Variants in DCDC1 observed in about 807,000 individuals in gnomAD.
DCDC1 encodes doublecortin domain-containing protein 1.
Under a neutral mutation model 178.3 loss-of-function variants are expected in DCDC1, and 200 were observed. The observed-to-expected ratio is 1.12, with a 90% CI of 1.00 to 1.26. The LOEUF is 1.26. DCDC1 is among the 50% of genes most tolerant of loss of function. The pLI, the probability that DCDC1 is intolerant of heterozygous loss-of-function variation, is 0.00. For missense variants in DCDC1, 1,983 were observed against 1,749.2 expected, an observed-to-expected ratio of 1.13 and a Z score of -2.38; for synonymous variants, 690 against 604.8, an observed-to-expected ratio of 1.14 and a Z score of -2.07.
intron 1 of DCDC1, among the ~76,000 whole-genome samples, chr11:31,356,695 C>T (rs1231561080): frequency 2.7e-5 from 4 of 149,628 alleles, no homozygotes; most frequent in Non-Finnish European, 4.4e-5. Flanking sequence ...GCTAGCAAGA[C>T]TAATAAAGAA....
chr11:31,322,871 G>C (rs959774893), intron 3 of DCDC1, among the ~76,000 whole-genome samples: 2 of 152,112 alleles, frequency 1.3e-5, no homozygotes, highest in East Asian at 3.9e-4. Flanking sequence ...TCCACTGATA[G>C]TGGCCTAACA....
intron 21 of DCDC1, among the ~76,000 whole-genome samples, chr11:30,938,719 G>A (rs930402224): frequency 3.9e-5 from 6 of 152,084 alleles, no homozygotes; most frequent in African/African-American, 1.4e-4. Flanking sequence ...CATACTAACG[G>A]GGTCTTTGGG....
intron 15 of DCDC1, among the ~76,000 whole-genome samples, chr11:31,094,539 C>T (rs1958025554): frequency 6.6e-6 from 1 of 152,098 alleles, no homozygotes. Context: ...AAATGGTACG[C>T]TCATTTCTGC....
At chr11:30,952,187 G>A (rs373135673) in intron 21 of DCDC1, among the ~76,000 whole-genome samples, 30 of 152,234 alleles carry the variant, frequency 2.0e-4, no homozygotes, top group African/African-American at 7.0e-4. Context: ...TTTTGAACAC[G>A]TGTGTGCCTA....
intron 11 of DCDC1, among the ~76,000 whole-genome samples, chr11:31,119,411 A>G (rs1469082862): frequency 6.6e-6 from 1 of 152,172 alleles, no homozygotes; most frequent in Non-Finnish European, 1.5e-5. Context: ...CCCATTGTTT[A>G]CTCAAATAAT....
chr11:31,042,878 G>C (rs1454010966), intron 20 of DCDC1, among the ~76,000 whole-genome samples: 1 of 152,110 alleles, frequency 6.6e-6, no homozygotes, highest in African/African-American at 2.4e-5. Context: ...CTGGATCTAA[G>C]GCAACTGGCA....
intron 20 of DCDC1, among the ~76,000 whole-genome samples, chr11:30,997,630 C>T (rs1464516128): frequency 3.3e-5 from 5 of 151,960 alleles, no homozygotes; most frequent in Non-Finnish European, 7.4e-5. Flanking sequence ...TATATTTATA[C>T]TAAAATTGAA....
At chr11:30,983,292 C>T (rs2134825676) in intron 20 of DCDC1, among the ~76,000 whole-genome samples, 1 of 152,266 alleles carries the variant, frequency 6.6e-6, no homozygotes, top group East Asian at 1.9e-4. Context: ...AATACACCAA[C>T]CATTACATGT....
chr11:31,197,377 C>A (rs538795031), intron 9 of DCDC1, among the ~76,000 whole-genome samples: 1 of 152,030 alleles, frequency 6.6e-6, no homozygotes, highest in East Asian at 1.9e-4. Flanking sequence ...TAAAAAATAC[C>A]TGTTAATCAG....
intron 20 of DCDC1, among the ~76,000 whole-genome samples, chr11:31,041,930 T>C (rs994443252): frequency 1.9e-4 from 29 of 152,202 alleles, no homozygotes; most frequent in Non-Finnish European, 4.1e-4. Flanking sequence ...AAGAACTAAG[T>C]CTTATTTTAA....
At chr11:31,308,101 T>C (rs1948570532) in intron 3 of DCDC1, among the ~76,000 whole-genome samples, 193 bp from the exon 4 acceptor site, 1 of 152,184 alleles carries the variant, frequency 6.6e-6, no homozygotes, top group African/African-American at 2.4e-5. Flanking sequence ...ATTTAAGAAA[T>C]TGAGAATCAG....
chr11:31,266,872 T>A (rs942284279), intron 7 of DCDC1, among the ~76,000 whole-genome samples: 1 of 152,266 alleles, frequency 6.6e-6, no homozygotes, highest in Non-Finnish European at 1.5e-5. Flanking sequence ...ACATTGTGAC[T>A]GATTTGGTTT....
intron 36 of DCDC1, among the ~76,000 whole-genome samples, chr11:30,888,163 G>GAAAGAAAGA (rs1565030639): frequency 1.0e-5 from 1 of 97,982 alleles, no homozygotes; most frequent in Admixed American, 1.0e-4. Context: ...AGAAAGAAAG[G>GAAAGAAAGA]GAAAGAAAGA....
At chr11:31,343,295 G>T (rs2133233571) in intron 1 of DCDC1, among the ~76,000 whole-genome samples, 1 of 152,150 alleles carries the variant, frequency 6.6e-6, no homozygotes, top group Middle Eastern at 3.4e-3. Flanking sequence ...TCCAACGTGG[G>T]TGTCAGAGTA....
intron 9 of DCDC1, among the ~76,000 whole-genome samples, chr11:31,151,914 G>A (rs1424478754): frequency 2.6e-5 from 4 of 152,068 alleles, no homozygotes; most frequent in Admixed American, 1.3e-4. Flanking sequence ...CCTGGTGACC[G>A]TAGTTAATAA....
chr11:31,178,372 A>C (rs1487734357), intron 9 of DCDC1, among the ~76,000 whole-genome samples: 1 of 152,236 alleles, frequency 6.6e-6, no homozygotes, highest in African/African-American at 2.4e-5. Context: ...TACCTTTCAC[A>C]AAAATTAACT....
chr11:31,021,387 T>A (rs949379829), intron 20 of DCDC1, among the ~76,000 whole-genome samples: 1 of 152,096 alleles, frequency 6.6e-6, no homozygotes, highest in African/African-American at 2.4e-5. Flanking sequence ...AACGGAATAA[T>A]ATGCATTAAA....
intron 9 of DCDC1, among the ~76,000 whole-genome samples, chr11:31,155,424 C>A (rs959179646): frequency 6.6e-6 from 1 of 152,158 alleles, no homozygotes; most frequent in African/African-American, 2.4e-5. Flanking sequence ...CTATTTGTCC[C>A]AAAACATGAC....
chr11:31,003,747 C>T (rs891825269), intron 20 of DCDC1, among the ~76,000 whole-genome samples: 1 of 152,108 alleles, frequency 6.6e-6, no homozygotes, highest in Non-Finnish European at 1.5e-5. Context: ...ATCATAGGAC[C>T]ATTATAGCCC....
Sources: allele counts gnomAD v4.1 joint callset (sites outside exome capture counted in the v4.1 genomes callset), GRCh38; gene constraint gnomAD v4.1.1; transcripts MANE v1.5; gene names NCBI Gene and HGNC (gene_info 2026-07-23, HGNC 2026-07-21).